Variants in CDH7 observed in about 807,000 individuals in gnomAD.
CDH7 encodes the protein cadherin 7.
In CDH7, 25 loss-of-function variants were observed where a neutral mutation model predicts 71.8. The ratio of observed to expected loss-of-function variants is 0.35; its 90% CI spans 0.25 to 0.49. CDH7 has a LOEUF of 0.49. Ranked by LOEUF, CDH7 falls within the 20% of genes least tolerant of loss-of-function variation. The pLI, the probability that CDH7 is intolerant of heterozygous loss-of-function variation, is 0.99. For missense variants in CDH7, 862 were observed against 974.6 expected (o/e 0.88, Z 1.54); for synonymous variants, 381 against 363.8 (o/e 1.05, Z -0.54).
In CDH7 at chr18:65,859,010, T is replaced by C. The variant is rs1351144142; in HGVS notation, c.1458T>C (p.Tyr486=). The C allele has an allele frequency of 6.2e-7, 1 of 1,613,484 alleles. No individual in the cohort carries two copies. Among genetic ancestry groups the C allele is most frequent in the Non-Finnish European group, 8.5e-7 (1 of 1,179,488 alleles). The change falls in exon 9 of 12, where the codon TAT becomes TAC. Residue 486 remains tyrosine (Y), a synonymous_variant. Transcript: ENST00000397968. ...ACGCCCCTGAATTTGCCATGGACTA[T>C]GAGACCACCGTCTGTGAAAATGCCC... ...NDNAPEFAMD[Y]ETTVCENAQP...
At chr18:65,784,773 A>C (rs1910451743) in intron 2 of CDH7, among the ~76,000 whole-genome samples, 1 of 152,138 alleles carries the variant, frequency 6.6e-6, no homozygotes, top group Non-Finnish European at 1.5e-5. Flanking sequence ...GATTTTTGCC[A>C]CAATTCTCGG....
chr18:65,844,628 A>G (rs542744512), intron 7 of CDH7, among the ~76,000 whole-genome samples: 1 of 152,210 alleles, frequency 6.6e-6, no homozygotes, highest in South Asian at 2.1e-4. Flanking sequence ...TAGCCAAGTA[A>G]TATCTTTAAG....
chr18:65,864,738 A>C (rs558544132), intron 11 of CDH7, among the ~76,000 whole-genome samples: 83 of 151,612 alleles, frequency 5.5e-4, no homozygotes, highest in Non-Finnish European at 1.0e-3. Context: ...AATACAAAAA[A>C]AAATTAGCCA....
chr18:65,869,662 A>T (rs1445304146), intron 11 of CDH7, among the ~76,000 whole-genome samples: 3 of 145,168 alleles, frequency 2.1e-5, no homozygotes, highest in Non-Finnish European at 4.5e-5. Flanking sequence ...GTCTTTGAGC[A>T]TCTGACATGG....
chr18:65,829,794 G>GTGTC (rs1912273167), intron 6 of CDH7, among the ~76,000 whole-genome samples: 1 of 151,338 alleles, frequency 6.6e-6, no homozygotes, highest in Non-Finnish European at 1.5e-5. Flanking sequence ...GTGTGTGTGT[G>GTGTC]TGTGTGTGTG....
intron 11 of CDH7, among the ~76,000 whole-genome samples, chr18:65,874,741 A>T (rs1475089851): frequency 6.6e-6 from 1 of 151,658 alleles, no homozygotes; most frequent in East Asian, 1.9e-4. Flanking sequence ...ATGTATATAT[A>T]TTTATAATTT....
chr18:65,838,320 T>G (rs1338843201), intron 6 of CDH7, among the ~76,000 whole-genome samples: 3 of 152,192 alleles, frequency 2.0e-5, no homozygotes, highest in African/African-American at 7.2e-5. Flanking sequence ...AGATTTACAT[T>G]TATTTGTTCA....
chr18:65,822,892 G>A (rs945742718), intron 5 of CDH7, among the ~76,000 whole-genome samples: 1 of 151,764 alleles, frequency 6.6e-6, no homozygotes, highest in Non-Finnish European at 1.5e-5. Flanking sequence ...AATTCTCTAG[G>A]TAGAGGTGTG....
intron 2 of CDH7, among the ~76,000 whole-genome samples, chr18:65,804,110 A>G (rs1375441782): frequency 1.3e-5 from 2 of 152,156 alleles, no homozygotes; most frequent in Non-Finnish European, 2.9e-5. Flanking sequence ...AATACATATT[A>G]TCTCTTTCAT....
intron 2 of CDH7, among the ~76,000 whole-genome samples, chr18:65,786,578 T>C (rs1910520428): frequency 6.6e-6 from 1 of 152,184 alleles, no homozygotes; most frequent in Non-Finnish European, 1.5e-5. Context: ...GATTCAGCCC[T>C]TGTTTAAAAT....
intron 6 of CDH7, among the ~76,000 whole-genome samples, chr18:65,838,766 C>T (rs1379067447): frequency 6.6e-6 from 1 of 152,170 alleles, no homozygotes; most frequent in Non-Finnish European, 1.5e-5. Flanking sequence ...GAAAAGGCTA[C>T]AAATGGCAAG....
intron 11 of CDH7, among the ~76,000 whole-genome samples, chr18:65,880,007 C>T (rs1030721165): frequency 4.6e-5 from 7 of 152,166 alleles, no homozygotes; most frequent in African/African-American, 1.4e-4. Flanking sequence ...AAATTAGACA[C>T]AAAACATTTA....
chr18:65,834,443 G>T (rs1471781779), intron 6 of CDH7, among the ~76,000 whole-genome samples: 1 of 152,166 alleles, frequency 6.6e-6, no homozygotes, highest in Non-Finnish European at 1.5e-5. Flanking sequence ...ATGATGAAAA[G>T]AAGGCTTTAG....
Position 65,801,900 on chromosome 18 carries a change from G to T in CDH7, c.211-7804G>T, listed in dbSNP as rs1911137469. Among the ~76,000 whole-genome samples the T allele has an allele frequency of 3.3e-5, 5 of 152,194 alleles. No individual in the cohort carries two copies. In the South Asian group the frequency reaches 1.0e-3, roughly 31 times the overall value. Reference sequence around the variant, plus strand: ...TTTCTAATGGACAAAGCAGTGTAGTGCAGACAACTCCAAGAAATAGTTTGC... The same window carrying T: ...TTTCTAATGGACAAAGCAGTGTAGTTCAGACAACTCCAAGAAATAGTTTGC... On this transcript the variant is annotated intron_variant, in intron 2 of 11. Transcript: ENST00000397968.
At chr18:65,865,115 G>A (rs1458551112) in intron 11 of CDH7, 1 of 151,986 alleles carries the variant, frequency 6.6e-6, no homozygotes, top group East Asian at 1.9e-4. Flanking sequence ...ATTATTTTAA[G>A]GCTGTCTGAT....
chr18:65,841,579 C>A (rs1428172087), intron 6 of CDH7, among the ~76,000 whole-genome samples: 4 of 151,956 alleles, frequency 2.6e-5, no homozygotes, highest in Non-Finnish European at 4.4e-5. Flanking sequence ...ATCTAAACTG[C>A]GAGTATGTTT....
chr18:65,799,038 G>T (rs1911018702), intron 2 of CDH7, among the ~76,000 whole-genome samples: 1 of 152,018 alleles, frequency 6.6e-6, no homozygotes, highest in Non-Finnish European at 1.5e-5. Context: ...GAATCTCCAG[G>T]TTGCAAGTGG....
At chr18:65,808,160 A>T (rs933203207) in intron 2 of CDH7, among the ~76,000 whole-genome samples, 1 of 152,210 alleles carries the variant, frequency 6.6e-6, no homozygotes, top group South Asian at 2.1e-4. Flanking sequence ...TGTTCTACCC[A>T]TGTAACAAAC....
chr18:65,811,968 T>TTTC (rs1364948142), intron 3 of CDH7, among the ~76,000 whole-genome samples: 18 of 128,154 alleles, frequency 1.4e-4, no homozygotes, highest in African/African-American at 4.8e-4. Context: ...TTTCTTTTCT[T>TTTC]TTTTTTTTTT....
Sources: gnomAD v4.1 joint callset for allele counts (sites outside exome capture counted in the v4.1 genomes callset) on GRCh38, gnomAD v4.1.1 for gene constraint, MANE v1.5 for transcripts, NCBI Gene and HGNC (gene_info 2026-07-23, HGNC 2026-07-21) for gene names.